Variants in FOSB observed in about 807,000 individuals in gnomAD.
FOSB encodes FosB proto-oncogene, AP-1 transcription factor subunit.
In FOSB, 8 loss-of-function variants were observed where a neutral mutation model predicts 31.1. The observed-to-expected ratio is 0.26, with a 90% CI of 0.15 to 0.46. The LOEUF (loss-of-function observed/expected upper bound fraction) is 0.46, where lower values mean the gene tolerates loss of function less well. Among genes scored for constraint, FOSB ranks in the 20% least tolerant of loss-of-function variants. FOSB has a pLI of 0.99. For synonymous variants in FOSB, 214 were observed against 206.1 expected (o/e 1.04, Z -0.33); for missense variants, 376 against 460.6 (o/e 0.82, Z 1.68).
Position 45,473,035 on chromosome 19 carries a change from A to C in FOSB, c.*23A>C. 6.3e-7 allele frequency: 1 copy of C among 1,579,050 alleles called. No individual in the cohort carries two copies. Among genetic ancestry groups the C allele is most frequent in the Non-Finnish European group, 8.6e-7 (1 of 1,159,504 alleles). On this transcript the variant is annotated 3_prime_UTR_variant, in exon 4 of 4. Coordinates refer to ENST00000353609, the MANE Select transcript of FOSB (RefSeq NM_006732.3). The stretch of plus-strand genomic sequence containing the variant: ...TGAACTCTTTAGACACACAAAACAA[A>C]CAAACACATGGGGGAGAGAGACTTG...
At chr19:45,469,798 T>C (rs2238686) in intron 1 of FOSB, 20,920 of 152,350 alleles carry the variant, frequency 0.14, 1,881 homozygotes, top group East Asian at 0.4. Context: ...CCAGGTGGTC[T>C]CCAGGAGCTC....
intron 1 of FOSB, chr19:45,470,418 A>C: frequency 1.8e-6 from 1 of 565,494 alleles, no homozygotes; most frequent in Non-Finnish European, 3.1e-6. Flanking sequence ...AGGAGGTAGA[A>C]GCCAGTTGAG....
Position 45,473,251 on chromosome 19 carries a change from G to A in FOSB, c.*239G>A, listed in dbSNP as rs1465759164. On this transcript the variant is annotated 3_prime_UTR_variant, in exon 4 of 4. Coordinates refer to ENST00000353609, the MANE Select transcript of FOSB (RefSeq NM_006732.3). ...AGGCCGGAGAGCTGGTGACTTTGGG[G>A]ACAGGGGGTGGGAAGGGGATGGACA... 2 of 407,188 alleles carry A rather than the reference G, an allele frequency of 4.9e-6. No individual in the cohort carries two copies. The highest frequency in any genetic ancestry group is 9.1e-6 in the Non-Finnish European group (2 of 220,342). 25.2% of individuals were successfully genotyped at this position (407,188 alleles called of 1,614,324 possible). A position where few individuals can be genotyped will look rare whatever the true frequency, so the allele number is the denominator to read the frequency against.
intron 2 of FOSB, 111 bp from the exon 3 acceptor site, chr19:45,471,083 G>A (rs1967641345): frequency 7.4e-7 from 1 of 1,343,680 alleles, no homozygotes; most frequent in Non-Finnish European, 1.0e-6. Flanking sequence ...CACGAGCGAG[G>A]ACCGGAGGCT....
rs1967745598 is a variant in FOSB, at chr19:45,473,241, TG to T, written c.*230del. ...TGCCCCGGCGAGGCCGGAGAGCTGGTGACTTTGGGGACAGGGGGTGGGAAGG... is the reference window on the plus strand; with the variant it reads ...TGCCCCGGCGAGGCCGGAGAGCTGGTACTTTGGGGACAGGGGGTGGGAAGG... On this transcript the variant is annotated 3_prime_UTR_variant, in exon 4 of 4. Coordinates refer to ENST00000353609, the MANE Select transcript of FOSB (RefSeq NM_006732.3). 1.8e-5 allele frequency: 9 copies of T among 487,456 alleles called. No homozygotes were observed. Among genetic ancestry groups the T allele is most frequent in the Non-Finnish European group, 3.7e-6 (1 of 273,608 alleles). The allele number at this position is 487,456 out of a possible 1,614,324, so 30.2% of individuals were successfully genotyped here. A position where few individuals can be genotyped will look rare whatever the true frequency, so the allele number is the denominator to read the frequency against.
chr19:45,470,690 C>G lies in FOSB; in HGVS notation c.188C>G (p.Thr63Ser). ...GTGCCCACGGTCACCGCGATCACAA[C>G]CAGCCAGGACCTCCAGTGGCTTGTG... is the stretch of plus-strand genomic sequence containing the variant. Reference protein sequence around the residue: ...SFVPTVTAITTSQDLQWLVQP... With the variant: ...SFVPTVTAITSSQDLQWLVQP... Residue 63 changes from threonine (T) to serine (S), a missense_variant, in exon 2 of 4, where the codon ACC becomes AGC. Physicochemically the swap from Thr to Ser is moderately conservative, Grantham distance 58. Coordinates refer to ENST00000353609, the MANE Select transcript of FOSB (RefSeq NM_006732.3). 6.2e-7 allele frequency: 1 copy of G among 1,613,584 alleles called. No individual in the cohort carries two copies. Among genetic ancestry groups the G allele is most frequent in the South Asian group, 1.1e-5 (1 of 91,080 alleles).
Position 45,472,950 on chromosome 19 carries a change from C to T in FOSB, c.955C>T (p.Arg319Cys), listed in dbSNP as rs759110123. ...GGTCTCCGCGTTCGCCGGCGCCCAA[C>T]GCACCAGCGGCAGTGACCAGCCTTC... is the stretch of plus-strand genomic sequence containing the variant. ...PEVSAFAGAQ[R>C]TSGSDQPSDP... Residue 319 changes from arginine to cysteine, a missense_variant, in exon 4 of 4, where the codon CGC becomes TGC. This residue lies in a region of FOSB where 148 missense variants were observed against 170.0 expected (regional missense o/e 0.87). Coordinates refer to ENST00000353609, the MANE Select transcript of FOSB (RefSeq NM_006732.3). The surrounding 1 kb of genome is among the most constrained non-coding windows in gnomAD (Gnocchi z 5.4). The T allele has an allele frequency of 1.5e-5, 25 of 1,613,398 alleles. No individual in the cohort carries two copies. The highest frequency in any genetic ancestry group is 1.6e-4 in the Middle Eastern group (1 of 6,084).
chr19:45,472,377 C>G lies in FOSB; in HGVS notation c.556-174C>G, dbSNP rs1227212088. ...AACTGAGGTTCCTGGAAGGCAAGAC[C>G]CTTGCCCCAACTCCCATGGCCACCA... On this transcript the variant is annotated intron_variant, in intron 3 of 3. Coordinates refer to ENST00000353609, the MANE Select transcript of FOSB (RefSeq NM_006732.3). The surrounding 1 kb of genome is among the most constrained non-coding windows in gnomAD (Gnocchi z 5.4). Among the ~76,000 whole-genome samples, 2 of 152,166 alleles carry G rather than the reference C, an allele frequency of 1.3e-5. No individual in the cohort carries two copies. The highest frequency in any genetic ancestry group is 2.9e-5 in the Non-Finnish European group (2 of 68,024).
Position 45,468,527 on chromosome 19 carries a change from A to G in FOSB, c.-60A>G, listed in dbSNP as rs1967497634. The G allele has an allele frequency of 3.2e-6, 5 of 1,557,580 alleles. No individual in the cohort carries two copies. Among genetic ancestry groups the G allele is most frequent in the Non-Finnish European group, 4.3e-6 (5 of 1,155,862 alleles). On this transcript the variant is annotated 5_prime_UTR_variant, in exon 1 of 4. Transcript: ENST00000353609. This position sits in a 1 kb window ranked among gnomAD's most constrained non-coding sequence, Gnocchi z 4.8. Reference sequence around the variant, plus strand: ...TGCACCTTACTTCCCCAACCCGGCCATAGCCTTGGCTTCCCGGCGACCTCA... The same window carrying G: ...TGCACCTTACTTCCCCAACCCGGCCGTAGCCTTGGCTTCCCGGCGACCTCA...
chr19:45,470,808 C>G lies in FOSB; in HGVS notation c.306C>G (p.Thr102=), dbSNP rs767756271. 198 of 1,613,958 alleles carry G rather than the reference C, an allele frequency of 1.2e-4. No homozygotes were observed. Among genetic ancestry groups the G allele is most frequent in the Non-Finnish European group, 1.6e-4 (190 of 1,180,034 alleles). Residue 102 remains threonine, a synonymous_variant, in exon 2 of 4, where the codon ACC becomes ACG. Transcript: ENST00000353609. ...TCGACCCCTACGACATGCCGGGAAC[C>G]AGCTACTCCACACCAGGCATGAGTG... ...PVVDPYDMPG[T]SYSTPGMSGY...
chr19:45,469,116 C>G (rs892012585), intron 1 of FOSB, among the ~76,000 whole-genome samples: 2 of 152,256 alleles, frequency 1.3e-5, no homozygotes, highest in Admixed American at 1.3e-4. Flanking sequence ...TTTTCCTTTC[C>G]TCCTCCTTCG....
chr19:45,475,178 C>T lies in FOSB; in HGVS notation c.*2166C>T, dbSNP rs1322661942. ...TGCCAATAAAAAGCTCTTAAAAACG[C>T]ATTCGCCAGGCTACAGTGTTTATTT... On this transcript the variant is annotated 3_prime_UTR_variant, in exon 4 of 4. Transcript: ENST00000353609. 1 of 152,662 alleles carries T rather than the reference C, an allele frequency of 6.6e-6. No individual in the cohort carries two copies. Among genetic ancestry groups the T allele is most frequent in the Non-Finnish European group, 1.5e-5 (1 of 68,054 alleles). 9.5% of individuals were successfully genotyped at this position (152,662 alleles called of 1,614,324 possible).
At position 45,472,487 on chromosome 19, in the gene FOSB, G is replaced by A. The variant is rs1407728591; in HGVS notation, c.556-64G>A. On this transcript the variant is annotated intron_variant, in intron 3 of 3. Coordinates refer to ENST00000353609, the MANE Select transcript of FOSB (RefSeq NM_006732.3). The surrounding 1 kb of genome is among the most constrained non-coding windows in gnomAD (Gnocchi z 5.4). ...AAGGGAGCCATGACCCGAGTTTCCC[G>A]GTCACTGACATGCTTTTTTCTCCTT... The A allele has an allele frequency of 1.8e-5, 24 of 1,345,404 alleles. No homozygotes were observed. The highest frequency in any genetic ancestry group is 2.3e-5 in the Non-Finnish European group (23 of 1,011,714). 83.3% of individuals were successfully genotyped at this position (1,345,404 alleles called of 1,614,324 possible).
At chr19:45,470,596 T>C (rs1215763596) in intron 1 of FOSB, 33 bp from the exon 2 acceptor site, 2 of 1,566,444 alleles carry the variant, frequency 1.3e-6, no homozygotes, top group African/African-American at 1.3e-5. Flanking sequence ...TGTTTGTGTG[T>C]CTACGCCTGT....
intron 3 of FOSB, 195 bp downstream of exon 3, chr19:45,471,496 T>TCCCC (rs3831491): frequency 0.036 from 13,297 of 373,712 alleles, 230 homozygotes; most frequent in African/African-American, 0.057. Context: ...CAACTCCTGG[T>TCCCC]CCCCCCCCCA....
At position 45,473,221 on chromosome 19, in the gene FOSB, C is replaced by A; in HGVS notation, c.*209C>A. On this transcript the variant is annotated 3_prime_UTR_variant, in exon 4 of 4. Coordinates refer to ENST00000353609, the MANE Select transcript of FOSB (RefSeq NM_006732.3). The stretch of plus-strand genomic sequence containing the variant: ...TGTCCTGCCTCTTGTTTCTGTGCCC[C>A]GGCGAGGCCGGAGAGCTGGTGACTT... The A allele has an allele frequency of 1.9e-6, 1 of 523,918 alleles. No homozygotes were observed. The highest frequency in any genetic ancestry group is 3.4e-5 in the East Asian group (1 of 29,280). The allele number at this position is 523,918 out of a possible 1,614,324, so 32.5% of individuals were successfully genotyped here.
chr19:45,470,795 A>G lies in FOSB; in HGVS notation c.293A>G (p.Asp98Gly), dbSNP rs911028906. 4 of 1,613,714 alleles carry G rather than the reference A, an allele frequency of 2.5e-6. No individual in the cohort carries two copies. The African/African-American group carries it at 4.0e-5, about 16-fold the overall frequency. ...ASQPPVVDPY[D>G]MPGTSYSTPG... ...CAGCCCCCGGTCGTCGACCCCTACG[A>G]CATGCCGGGAACCAGCTACTCCACA... The change falls in exon 2 of 4, where the codon GAC becomes GGC. Residue 98 changes from aspartate to glycine, a missense_variant. Asp to Gly is a moderately conservative substitution (Grantham distance 94). Coordinates refer to ENST00000353609, the MANE Select transcript of FOSB (RefSeq NM_006732.3).
At position 45,472,729 on chromosome 19, in the gene FOSB, C is replaced by G. The variant is rs762369398; in HGVS notation, c.734C>G (p.Ala245Gly). ...LAEVRDLPGS[A>G]PAKEDGFSWL... ...GAGGTGAGAGATTTGCCGGGCTCAG[C>G]ACCGGCTAAGGAAGATGGCTTCAGC... Residue 245 changes from alanine to glycine, a missense_variant, in exon 4 of 4, where the codon GCA becomes GGA. Ala to Gly is a moderately conservative substitution (Grantham distance 60). Coordinates refer to ENST00000353609, the MANE Select transcript of FOSB (RefSeq NM_006732.3). The surrounding 1 kb of genome is among the most constrained non-coding windows in gnomAD (Gnocchi z 5.4). 2.5e-6 allele frequency: 4 copies of G among 1,612,940 alleles called. No individual in the cohort carries two copies. The Admixed American group carries it at 6.7e-5, about 27-fold the overall frequency.
Position 45,473,172 on chromosome 19 carries a change from C to G in FOSB, c.*160C>G. The G allele has an allele frequency of 1.5e-6, 1 of 646,842 alleles. No homozygotes were observed. Among genetic ancestry groups the G allele is most frequent in the Non-Finnish European group, 2.7e-6 (1 of 375,356 alleles). The allele number at this position is 646,842 out of a possible 1,614,324, so 40.1% of individuals were successfully genotyped here. On this transcript the variant is annotated 3_prime_UTR_variant, in exon 4 of 4. Transcript: ENST00000353609. ...TCTGCGGCCACTGCGCCACTGCCAT[C>G]GGACAGGAGGATTCCTTGTGTTTTG...
Sources: allele counts gnomAD v4.1 joint callset (sites outside exome capture counted in the v4.1 genomes callset), GRCh38; gene constraint gnomAD v4.1.1; regional missense constraint gnomAD v4.1.1; non-coding constraint Gnocchi (gnomAD v3.1); transcripts MANE v1.5; gene names NCBI Gene and HGNC (gene_info 2026-07-23, HGNC 2026-07-21).